Variants in SLC15A2 observed in about 807,000 individuals in gnomAD.
SLC15A2 encodes the protein kidney H(+)/peptide cotransporter.
Under a neutral mutation model 95.5 loss-of-function variants are expected in SLC15A2, and 77 were observed. The observed-to-expected ratio is 0.81, with a 90% CI of 0.67 to 0.97. The LOEUF is 0.97. SLC15A2 is among the 50% of genes least tolerant of loss of function. The pLI is 0.00. For missense variants in SLC15A2, 893 were observed against 874.4 expected, an observed-to-expected ratio of 1.02 and a Z score of -0.27; for synonymous variants, 306 against 306.9, an observed-to-expected ratio of 1.00 and a Z score of 0.03.
rs1205135698 is a variant in SLC15A2, at chr3:121,896,909, A to C, written c.193+416A>C. Among the ~76,000 whole-genome samples, 6 of 150,690 alleles carry C rather than the reference A, an allele frequency of 4.0e-5. No individual in the cohort carries two copies. In the East Asian group the frequency reaches 1.0e-3, roughly 26 times the overall value. ...TAGCAAGAACTCATCTCCAAAAAAA[A>C]AAAAAAAAAAGGGGGGGGAGGGAAA... is the stretch of plus-strand genomic sequence containing the variant. On this transcript the variant is annotated intron_variant, in intron 2 of 21. Transcript: ENST00000489711.
chr3:121,906,546 C>A (rs1372465835), intron 3 of SLC15A2, among the ~76,000 whole-genome samples: 1 of 152,174 alleles, frequency 6.6e-6, no homozygotes, highest in African/African-American at 2.4e-5. Flanking sequence ...TCTTTTAGGG[C>A]AGGCCTGGTG....
chr3:121,898,074 G>T (rs770498368), intron 3 of SLC15A2, among the ~76,000 whole-genome samples: 1 of 151,506 alleles, frequency 6.6e-6, no homozygotes, highest in African/African-American at 2.4e-5. Flanking sequence ...AGGCAGGAGA[G>T]TTGCTTGAAT....
chr3:121,901,217 C>T (rs1709514031), intron 3 of SLC15A2, among the ~76,000 whole-genome samples: 1 of 152,040 alleles, frequency 6.6e-6, no homozygotes. Flanking sequence ...TGAGATTTCA[C>T]CATGTTGGCC....
rs182137978 is a variant in SLC15A2 at position 121,915,076 on chromosome 3, T to A, written c.529-151T>A. On this transcript the variant is annotated intron_variant, in intron 5 of 21. Transcript: ENST00000489711. ...GATTGGGGTCAGCCAGCAATGTTTT[T>A]AAATATCTATTAATAATATGAAATT... is the stretch of plus-strand genomic sequence containing the variant. The A allele has an allele frequency of 1.1e-3, 1,260 of 1,164,284 alleles. 8 individuals are homozygous for A. In the African/African-American group the frequency reaches 0.016, roughly 14 times the overall value. The allele number at this position is 1,164,284 out of a possible 1,614,324, so 72.1% of individuals were successfully genotyped here.
At chr3:121,927,895 C>A in intron 14 of SLC15A2, 56 bp downstream of exon 14, 1 of 1,327,318 alleles carries the variant, frequency 7.5e-7, no homozygotes, top group Non-Finnish European at 1.1e-6. Context: ...TTCTTATTTG[C>A]TCTTTTGACT....
chr3:121,914,336 A>G (rs984766009), intron 5 of SLC15A2, among the ~76,000 whole-genome samples: 7 of 152,212 alleles, frequency 4.6e-5, no homozygotes, highest in African/African-American at 7.2e-5. Flanking sequence ...GTGTATAATG[A>G]ACGAAACATC....
intron 7 of SLC15A2, among the ~76,000 whole-genome samples, chr3:121,918,017 G>A (rs557731909): frequency 7.9e-5 from 12 of 152,276 alleles, no homozygotes; most frequent in African/African-American, 2.9e-4. Flanking sequence ...GGAGAGTGGG[G>A]AACTCTAAAA....
At chr3:121,900,176 G>C (rs1218782111) in intron 3 of SLC15A2, among the ~76,000 whole-genome samples, 1 of 152,106 alleles carries the variant, frequency 6.6e-6, no homozygotes, top group Non-Finnish European at 1.5e-5. Flanking sequence ...AAATTCCAGT[G>C]AATTACATAT....
At chr3:121,921,506 T>G (rs981217007) in intron 7 of SLC15A2, among the ~76,000 whole-genome samples, 1 of 152,158 alleles carries the variant, frequency 6.6e-6, no homozygotes, top group Non-Finnish European at 1.5e-5. Context: ...GTGGTACATA[T>G]TTTGTCAAGC....
chr3:121,915,324 AT>A lies in SLC15A2; in HGVS notation c.619+14del, dbSNP rs3215370. On this transcript the variant is annotated splice_region_variant and intron_variant, in intron 6 of 21. Coordinates refer to ENST00000489711, the MANE Select transcript of SLC15A2 (RefSeq NM_021082.4). Reference sequence around the variant, plus strand: ...ATCACACCCATGCTGAGAGGTTAGGATTTTTTTGAGGGGCCCTGTATAAGGC... The same window carrying A: ...ATCACACCCATGCTGAGAGGTTAGGATTTTTTGAGGGGCCCTGTATAAGGC... 1 of 1,596,098 alleles carries A rather than the reference AT, an allele frequency of 6.3e-7. No individual in the cohort carries two copies. The highest frequency in any genetic ancestry group is 8.6e-7 in the Non-Finnish European group (1 of 1,163,868).
At chr3:121,913,580 G>A (rs1399700812) in intron 5 of SLC15A2, among the ~76,000 whole-genome samples, 1 of 152,188 alleles carries the variant, frequency 6.6e-6, no homozygotes, top group Non-Finnish European at 1.5e-5. Flanking sequence ...GCAATGGGAG[G>A]TGATAAGTAG....
chr3:121,934,078 T>A (rs1462115514), intron 19 of SLC15A2, among the ~76,000 whole-genome samples: 5 of 151,944 alleles, frequency 3.3e-5, no homozygotes, highest in Non-Finnish European at 5.9e-5. Flanking sequence ...GTTGTAGATA[T>A]GTGGCATTAT....
chr3:121,905,092 C>T (rs898741613), intron 3 of SLC15A2, among the ~76,000 whole-genome samples: 1 of 152,124 alleles, frequency 6.6e-6, no homozygotes, highest in Admixed American at 6.5e-5. Context: ...GTGTATGTGT[C>T]CAGAAATTTA....
At chr3:121,914,941 C>G in intron 5 of SLC15A2, 1 of 1,043,094 alleles carries the variant, frequency 9.6e-7, no homozygotes, top group Non-Finnish European at 1.2e-6. Context: ...ATTAGAATAG[C>G]TATATACAGG....
intron 3 of SLC15A2, among the ~76,000 whole-genome samples, chr3:121,907,043 T>C (rs1259275589): frequency 7.9e-5 from 12 of 152,236 alleles, no homozygotes; most frequent in Non-Finnish European, 1.5e-5. Context: ...GAGGCTTTGT[T>C]CATTTCTTTT....
intron 3 of SLC15A2, among the ~76,000 whole-genome samples, chr3:121,906,123 G>C (rs771916957): frequency 1.2e-4 from 18 of 152,100 alleles, no homozygotes; most frequent in Non-Finnish European, 2.4e-4. Context: ...TGTCTCTTTT[G>C]ATCTTTGTTG....
intron 19 of SLC15A2, among the ~76,000 whole-genome samples, chr3:121,932,916 C>T (rs186155172): frequency 7.9e-5 from 12 of 152,204 alleles, no homozygotes; most frequent in African/African-American, 1.9e-4. Flanking sequence ...CCCCCCTCCG[C>T]GCACCCCACA....
intron 19 of SLC15A2, among the ~76,000 whole-genome samples, chr3:121,935,441 A>C (rs898163695): frequency 6.6e-6 from 1 of 152,148 alleles, no homozygotes; most frequent in South Asian, 2.1e-4. Flanking sequence ...ACAATTTCAC[A>C]TCCTGTTATT....
intron 3 of SLC15A2, among the ~76,000 whole-genome samples, chr3:121,908,996 G>A (rs1709709150): frequency 6.6e-6 from 1 of 151,962 alleles, no homozygotes; most frequent in South Asian, 2.1e-4. Flanking sequence ...AACATAGCAA[G>A]ACCCCATCTC....
Sources: gnomAD v4.1 joint callset for allele counts (sites outside exome capture counted in the v4.1 genomes callset) on GRCh38, gnomAD v4.1.1 for gene constraint, MANE v1.5 for transcripts, NCBI Gene and HGNC (gene_info 2026-07-23, HGNC 2026-07-21) for gene names.